CTNNA2: variants seen among roughly 807,000 people sequenced by gnomAD.
The protein encoded by CTNNA2 is catenin alpha-2.
In CTNNA2, 42 loss-of-function variants were observed where a neutral mutation model predicts 101.0. That is an observed-to-expected ratio of 0.42 (90% CI 0.32 to 0.54). The LOEUF (loss-of-function observed/expected upper bound fraction) is 0.54. Ranked by LOEUF, CTNNA2 falls within the 20% of genes least tolerant of loss-of-function variation. The pLI is 0.14. For missense variants in CTNNA2, 871 were observed against 1,223.1 expected, an observed-to-expected ratio of 0.71 and a Z score of 4.29; for synonymous variants, 450 against 456.4, an observed-to-expected ratio of 0.99 and a Z score of 0.18.
intron 2 of CTNNA2, among the ~76,000 whole-genome samples, chr2:79,288,400 G>T (rs1008956843): frequency 4.6e-5 from 7 of 152,196 alleles, no homozygotes; most frequent in Admixed American, 4.6e-4. Context: ...TGGGTCTGTG[G>T]GTTCACTGTG....
rs568193251 is a variant in CTNNA2 at position 79,895,044 on chromosome 2, G to A, written c.853-14550G>A. Among the ~76,000 whole-genome samples, 13 of 152,262 alleles carry A rather than the reference G, an allele frequency of 8.5e-5. 1 individual carries two copies. The highest frequency in any genetic ancestry group is 6.2e-4 in the South Asian group (3 of 4,822). On this transcript the variant is annotated intron_variant, in intron 6 of 18. Transcript: ENST00000402739. ...CATGCTATTATGTTCCAATGGGCACGCATCATCTTCTTGAGTTAACTCTCT... is the reference window on the plus strand; with the variant it reads ...CATGCTATTATGTTCCAATGGGCACACATCATCTTCTTGAGTTAACTCTCT...
intron 7 of CTNNA2, among the ~76,000 whole-genome samples, chr2:80,158,984 C>T (rs1704144776): frequency 6.6e-6 from 1 of 151,766 alleles, no homozygotes; most frequent in African/African-American, 2.4e-5. Context: ...GGATTCCTTA[C>T]TTATCATTAT....
chr2:80,510,942 A>G (rs1454095175), intron 9 of CTNNA2, among the ~76,000 whole-genome samples: 1 of 146,492 alleles, frequency 6.8e-6, no homozygotes, highest in Non-Finnish European at 1.5e-5. Flanking sequence ...GCTCTTTGTT[A>G]TTTATCTTTG....
At chr2:80,078,507 G>A (rs895079817) in intron 7 of CTNNA2, among the ~76,000 whole-genome samples, 9 of 152,168 alleles carry the variant, frequency 5.9e-5, no homozygotes, top group Non-Finnish European at 1.2e-4. Flanking sequence ...TCAAGAGGAT[G>A]GTATGTATCC....
At chr2:79,545,931 A>G (rs1379321120) in intron 1 of CTNNA2, among the ~76,000 whole-genome samples, 4 of 152,198 alleles carry the variant, frequency 2.6e-5, no homozygotes. Context: ...TTAATACAAC[A>G]ATCATATGAA....
At chr2:80,440,071 A>T (rs1286666780) in intron 9 of CTNNA2, among the ~76,000 whole-genome samples, 1 of 152,224 alleles carries the variant, frequency 6.6e-6, no homozygotes, top group East Asian at 1.9e-4. Flanking sequence ...TAGAGCAGTA[A>T]GGGAGGCTGA....
chr2:79,230,028 T>C (rs1363724001), intron 2 of CTNNA2, among the ~76,000 whole-genome samples: 1 of 152,186 alleles, frequency 6.6e-6, no homozygotes, highest in Non-Finnish European at 1.5e-5. Flanking sequence ...TTCAGTTTTA[T>C]AAGGGAAGCA....
chr2:80,556,493 C>T (rs770626797), intron 12 of CTNNA2, among the ~76,000 whole-genome samples: 22 of 152,244 alleles, frequency 1.4e-4, no homozygotes, highest in Non-Finnish European at 2.6e-4. Flanking sequence ...ACATGCCCTT[C>T]TTCAGGGGCA....
At chr2:80,074,585 A>G (rs913265797) in intron 7 of CTNNA2, among the ~76,000 whole-genome samples, 4 of 152,086 alleles carry the variant, frequency 2.6e-5, no homozygotes, top group African/African-American at 4.8e-5. Context: ...ACAACACCTG[A>G]TCAAACAACC....
chr2:79,970,121 C>A (rs1227156388), intron 7 of CTNNA2, among the ~76,000 whole-genome samples: 1 of 152,128 alleles, frequency 6.6e-6, no homozygotes, highest in Non-Finnish European at 1.5e-5. Context: ...TAATGCCTTT[C>A]TTGGGGCATG....
intron 9 of CTNNA2, among the ~76,000 whole-genome samples, chr2:80,421,132 G>A (rs976836700): frequency 3.9e-5 from 6 of 152,116 alleles, no homozygotes; most frequent in African/African-American, 1.4e-4. Context: ...TATGGGTACA[G>A]AAGGAAGGGA....
intron 6 of CTNNA2, among the ~76,000 whole-genome samples, chr2:79,898,766 A>G (rs974108750): frequency 3.3e-5 from 5 of 151,810 alleles, no homozygotes; most frequent in Admixed American, 6.6e-5. Flanking sequence ...TGATGGCAGA[A>G]CTCCCAACAG....
chr2:80,324,579 G>A (rs1679059993), intron 7 of CTNNA2, among the ~76,000 whole-genome samples: 1 of 152,322 alleles, frequency 6.6e-6, no homozygotes, highest in East Asian at 1.9e-4. Context: ...TAAAAGGTGA[G>A]ATGTTAATTC....
At chr2:80,495,156 C>T (rs909759860) in intron 9 of CTNNA2, among the ~76,000 whole-genome samples, 4 of 152,104 alleles carry the variant, frequency 2.6e-5, no homozygotes, top group Non-Finnish European at 1.5e-5. Flanking sequence ...TAGTTAATAA[C>T]CTCAAAATTC....
chr2:79,671,404 A>G (rs1018094977), intron 2 of CTNNA2, among the ~76,000 whole-genome samples: 1 of 152,178 alleles, frequency 6.6e-6, no homozygotes. Flanking sequence ...AAGCCTGCCT[A>G]TGCACTTGTC....
intron 2 of CTNNA2, among the ~76,000 whole-genome samples, chr2:79,280,483 C>T (rs932868087): frequency 6.6e-6 from 1 of 152,010 alleles, no homozygotes; most frequent in African/African-American, 2.4e-5. Context: ...AAAAATATCC[C>T]CGGAGCAGGG....
chr2:80,615,455 C>CTCT (rs1260032386), intron 17 of CTNNA2, among the ~76,000 whole-genome samples: 2 of 149,998 alleles, frequency 1.3e-5, no homozygotes, highest in African/African-American at 2.5e-5. Context: ...AATTTAAAGT[C>CTCT]TCTTTATCTC....
At position 80,022,174 on chromosome 2, in the gene CTNNA2, A is replaced by G. The variant is rs140247826; in HGVS notation, c.1056+112377A>G. ...TTGAAAATTAATCTTGTGGGTTTAT[A>G]TGACAGCACTGATACTGATAGGTAT... On this transcript the variant is annotated intron_variant, in intron 7 of 18. Transcript: ENST00000402739. Among the ~76,000 whole-genome samples, 881 of 152,344 alleles carry G rather than the reference A, an allele frequency of 5.8e-3. 10 individuals carry two copies. The highest frequency in any genetic ancestry group is 0.02 in the African/African-American group (835 of 41,586).
chr2:80,256,264 T>C (rs1672136315), intron 7 of CTNNA2, among the ~76,000 whole-genome samples: 1 of 151,982 alleles, frequency 6.6e-6, no homozygotes, highest in Non-Finnish European at 1.5e-5. Flanking sequence ...ATCACAAAAA[T>C]ATATACACGG....
Sources: allele counts gnomAD v4.1 joint callset (sites outside exome capture counted in the v4.1 genomes callset), GRCh38; gene constraint gnomAD v4.1.1; transcripts MANE v1.5; gene names NCBI Gene and HGNC (gene_info 2026-07-23, HGNC 2026-07-21).